ADGRV1: variants seen among roughly 807,000 people sequenced by gnomAD.
ADGRV1 encodes the protein adhesion G protein-coupled receptor V1.
ADGRV1 carries 359 observed loss-of-function variants against 596.2 expected under a neutral mutation model. That is an observed-to-expected ratio of 0.60 (90% CI 0.55 to 0.66). The LOEUF (loss-of-function observed/expected upper bound fraction) is 0.66. Among genes scored for constraint, ADGRV1 ranks in the 30% least tolerant of loss-of-function variants. ADGRV1 has a pLI of 0.00. For missense variants in ADGRV1, 7,274 were observed against 7,575.6 expected, an observed-to-expected ratio of 0.96 and a Z score of 1.48; for synonymous variants, 2,681 against 2,679.2, an observed-to-expected ratio of 1.00 and a Z score of -0.02.
chr5:90,563,353 A>C (rs1047174187), intron 1 of ADGRV1, among the ~76,000 whole-genome samples: 6 of 152,242 alleles, frequency 3.9e-5, no homozygotes, highest in Non-Finnish European at 7.3e-5. Context: ...CTTTCCAAGT[A>C]GCCTTCTCTC....
intron 83 of ADGRV1, among the ~76,000 whole-genome samples, chr5:90,937,584 A>G (rs561640071): frequency 6.6e-6 from 1 of 151,704 alleles, no homozygotes; most frequent in East Asian, 1.9e-4. Context: ...CAGCCTCCCA[A>G]GTAGCTGGGA....
At chr5:90,674,482 A>G in intron 23 of ADGRV1, 1 of 314,338 alleles carries the variant, frequency 3.2e-6, no homozygotes, top group East Asian at 5.4e-5. Flanking sequence ...AAAATGGAAC[A>G]AAGTATTTCT....
At position 91,095,217 on chromosome 5, in the gene ADGRV1, T is replaced by TG. The variant is rs1032950684; in HGVS notation, c.18311-7002_18311-7001insG. Among the ~76,000 whole-genome samples, 66 of 151,602 alleles carry TG rather than the reference T, an allele frequency of 4.4e-4. 1 individual carries two copies. In the East Asian group the frequency reaches 0.011, roughly 25 times the overall value. On this transcript the variant is annotated intron_variant, in intron 86 of 89. Transcript: ENST00000405460. ...TTTGCAAACCCAGTATTTTTTTTTT[T>TG]TTTACACGGGGTCTCACTCTGTCAC... is the stretch of plus-strand genomic sequence containing the variant.
chr5:90,744,183 C>G (rs970751659), intron 50 of ADGRV1, among the ~76,000 whole-genome samples: 2 of 152,068 alleles, frequency 1.3e-5, no homozygotes, highest in African/African-American at 4.8e-5. Flanking sequence ...GACAGGCTCC[C>G]ACTATGTTGC....
rs78311294 is a variant in ADGRV1, at chr5:90,857,084, C to G, written c.17755+1183C>G. 0.017 allele frequency among the ~76,000 whole-genome samples: 2,619 copies of G among 151,962 alleles called. 124 individuals are homozygous for G. In the East Asian group the frequency reaches 0.19, roughly 11 times the overall value. ...TTCTTTAATGTATTTTAATTCTGAA[C>G]CTAACTTCAATTCAATAGCAAGATA... On this transcript the variant is annotated intron_variant, in intron 82 of 89. Transcript: ENST00000405460.
At chr5:90,596,338 C>T (rs1383773088) in intron 1 of ADGRV1, among the ~76,000 whole-genome samples, 2 of 150,772 alleles carry the variant, frequency 1.3e-5, no homozygotes, top group Non-Finnish European at 1.5e-5. Context: ...TCCTCACATC[C>T]CAGACGATGG....
intron 85 of ADGRV1, among the ~76,000 whole-genome samples, chr5:91,008,276 T>G (rs1782447820): frequency 6.6e-6 from 1 of 152,130 alleles, no homozygotes; most frequent in South Asian, 2.1e-4. Flanking sequence ...ATTTCTGTGT[T>G]TTAAATTCTC....
At chr5:90,975,793 G>T (rs1200592868) in intron 84 of ADGRV1, among the ~76,000 whole-genome samples, 3 of 151,994 alleles carry the variant, frequency 2.0e-5, no homozygotes, top group Non-Finnish European at 4.4e-5. Context: ...GATGGCACAT[G>T]TATACATAGG....
chr5:90,652,453 C>T lies in ADGRV1; in HGVS notation c.3524C>T (p.Thr1175Ile). The T allele has an allele frequency of 6.2e-7, 1 of 1,613,402 alleles. No individual in the cohort carries two copies. Among genetic ancestry groups the T allele is most frequent in the East Asian group, 2.2e-5 (1 of 44,844 alleles). Residue 1175 changes from threonine to isoleucine, a missense_variant, in exon 19 of 90, where the codon ACT becomes ATT. Around this residue, in one of 5 missense-constraint regions of ADGRV1, gnomAD observed 1,715 missense variants for 1,708.8 expected, o/e 1.00. Coordinates refer to ENST00000405460, the MANE Select transcript of ADGRV1 (RefSeq NM_032119.4). The part of the protein sequence containing the change: ...PGQEFYETSG[T>I]VNFMDGEEAK... ...CAGGAGTTCTATGAAACTTCAGGAACTGTTAACTTCATGGATGGAGAAGAA... is the reference window on the plus strand; with the variant it reads ...CAGGAGTTCTATGAAACTTCAGGAATTGTTAACTTCATGGATGGAGAAGAA...
intron 83 of ADGRV1, among the ~76,000 whole-genome samples, chr5:90,951,016 G>A (rs1333310869): frequency 6.6e-6 from 1 of 152,116 alleles, no homozygotes; most frequent in Non-Finnish European, 1.5e-5. Flanking sequence ...AAGCAATTGT[G>A]TTATAAAATC....
At chr5:90,699,804 G>A (rs958050767) in intron 34 of ADGRV1, among the ~76,000 whole-genome samples, 20 of 152,098 alleles carry the variant, frequency 1.3e-4, no homozygotes, top group African/African-American at 4.6e-4. Flanking sequence ...AAACAATATT[G>A]TAGCCTCGTC....
intron 87 of ADGRV1, among the ~76,000 whole-genome samples, chr5:91,104,199 G>T (rs1185675085): frequency 1.3e-5 from 2 of 152,136 alleles, no homozygotes; most frequent in African/African-American, 4.8e-5. Flanking sequence ...TAAGTAGGTA[G>T]GTTATTGTTA....
intron 71 of ADGRV1, 98 bp from the exon 72 acceptor site, chr5:90,805,186 A>G (rs1761784476): frequency 1.1e-6 from 1 of 896,678 alleles, no homozygotes; most frequent in Admixed American, 2.5e-5. Flanking sequence ...AAGGATATAT[A>G]TTGTATAAAC....
intron 9 of ADGRV1, among the ~76,000 whole-genome samples, chr5:90,633,851 C>G (rs1343719169): frequency 1.3e-5 from 2 of 151,948 alleles, no homozygotes; most frequent in Non-Finnish European, 2.9e-5. Flanking sequence ...ATGTCTTTCT[C>G]CTGTATATGA....
chr5:91,086,969 C>A (rs1377224383), intron 86 of ADGRV1, among the ~76,000 whole-genome samples: 1 of 152,184 alleles, frequency 6.6e-6, no homozygotes, highest in African/African-American at 2.4e-5. Flanking sequence ...TCGTTACTCA[C>A]CTTCATGGGA....
chr5:90,965,928 A>C (rs1778416249), intron 84 of ADGRV1, among the ~76,000 whole-genome samples: 1 of 152,174 alleles, frequency 6.6e-6, no homozygotes, highest in African/African-American at 2.4e-5. Context: ...GAAAGAGTGG[A>C]TAGGCAAGCC....
chr5:90,984,956 T>C (rs1780363766), intron 84 of ADGRV1, among the ~76,000 whole-genome samples: 1 of 152,204 alleles, frequency 6.6e-6, no homozygotes, highest in Admixed American at 6.5e-5. Context: ...CTTGAAAATA[T>C]AGGGCTTTTT....
intron 84 of ADGRV1, among the ~76,000 whole-genome samples, chr5:90,982,664 C>T (rs1780172311): frequency 6.6e-6 from 1 of 152,228 alleles, no homozygotes; most frequent in Non-Finnish European, 1.5e-5. Context: ...TGGCTACGCC[C>T]TTTCTATGTC....
chr5:91,100,727 C>T (rs1791302814), intron 86 of ADGRV1, among the ~76,000 whole-genome samples: 2 of 152,170 alleles, frequency 1.3e-5, no homozygotes, highest in Non-Finnish European at 2.9e-5. Context: ...GTGCAGCCAT[C>T]ATCTTAATCA....
Sources: allele counts gnomAD v4.1 joint callset (sites outside exome capture counted in the v4.1 genomes callset), GRCh38; gene constraint gnomAD v4.1.1; regional missense constraint gnomAD v4.1.1; transcripts MANE v1.5; gene names NCBI Gene and HGNC (gene_info 2026-07-23, HGNC 2026-07-21).